TDRD7: variants seen among roughly 807,000 people sequenced by gnomAD.
TDRD7 encodes tudor domain-containing protein 7.
In TDRD7, 47 loss-of-function variants were observed where a neutral mutation model predicts 109.8. The ratio of observed to expected loss-of-function variants is 0.43; its 90% CI spans 0.34 to 0.55. The LOEUF (loss-of-function observed/expected upper bound fraction) is 0.55, where lower values mean the gene tolerates loss of function less well. Among genes scored for constraint, TDRD7 ranks in the 20% least tolerant of loss-of-function variants. The pLI, the probability that TDRD7 is intolerant of heterozygous loss-of-function variation, is 0.03. For synonymous variants in TDRD7, 424 were observed against 457.3 expected, an observed-to-expected ratio of 0.93 and a Z score of 0.93; for missense variants, 1,164 against 1,319.2, an observed-to-expected ratio of 0.88 and a Z score of 1.82.
chr9:97,481,031 T>A, intron 14 of TDRD7, 93 bp downstream of exon 14: 1 of 1,033,792 alleles, frequency 9.7e-7, no homozygotes, highest in Non-Finnish European at 1.5e-6. Context: ...TATCTCACTG[T>A]AAAATGGATG....
intron 16 of TDRD7, among the ~76,000 whole-genome samples, chr9:97,490,549 T>TA (rs1554750846): frequency 1.8e-5 from 2 of 109,930 alleles, no homozygotes; most frequent in African/African-American, 3.3e-5. Flanking sequence ...TATATTTTGG[T>TA]GGGGGGGGGG....
At chr9:97,421,134 C>CAA (rs556240135) in intron 1 of TDRD7, among the ~76,000 whole-genome samples, 6 of 75,156 alleles carry the variant, frequency 8.0e-5, no homozygotes, top group Admixed American at 1.6e-4. Flanking sequence ...GACTCTGTCT[C>CAA]AAAAAAAAAA....
intron 6 of TDRD7, among the ~76,000 whole-genome samples, chr9:97,444,831 A>G (rs981807145): frequency 1.3e-5 from 2 of 152,346 alleles, no homozygotes; most frequent in Admixed American, 1.3e-4. Flanking sequence ...CAGGAATTCC[A>G]TTTGAATATC....
rs1046372960 is a variant in TDRD7, at chr9:97,438,589, G to T, written c.564-656G>T. ...ACAGACATGAATATAAATGATGTGT[G>T]TGGGGTTTATTTATGTGTCTTCATA... On this transcript the variant is annotated intron_variant, in intron 4 of 16. Coordinates refer to ENST00000355295, the MANE Select transcript of TDRD7 (RefSeq NM_014290.3). 2.0e-5 allele frequency among the ~76,000 whole-genome samples: 3 copies of T among 152,164 alleles called. No homozygotes were observed. In the East Asian group the frequency reaches 5.8e-4, roughly 29 times the overall value.
chr9:97,489,701 T>A (rs888411728), intron 16 of TDRD7, among the ~76,000 whole-genome samples: 1 of 152,242 alleles, frequency 6.6e-6, no homozygotes, highest in Non-Finnish European at 1.5e-5. Flanking sequence ...GTTTTCTATT[T>A]GTTTTCCTTG....
At chr9:97,472,198 A>G (rs892889615) in intron 9 of TDRD7, 95 bp from the exon 10 acceptor site, 1 of 1,159,544 alleles carries the variant, frequency 8.6e-7, no homozygotes, top group Non-Finnish European at 1.3e-6. Context: ...GTAGGCTTAT[A>G]ATTTTAATAA....
rs201671742 is a variant in TDRD7 at position 97,441,825 on chromosome 9, C to T, written c.805C>T (p.Leu269Phe). 1.1e-5 allele frequency: 17 copies of T among 1,613,726 alleles called. No individual in the cohort carries two copies. In the Admixed American group the frequency reaches 2.8e-4, roughly 27 times the overall value. Residue 269 changes from leucine (L) to phenylalanine (F), a missense_variant, in exon 6 of 17, where the codon CTT becomes TTT. By Grantham distance (22) the Leu-to-Phe change is conservative. Transcript: ENST00000355295. ...HFYKELYKED[L>F]NQGILQQFEH... is the part of the protein sequence containing the mutation. ...TTACAAAGAGTTATATAAAGAAGAC[C>T]TTAATCAAGGAATTTTACAACAGTT...
chr9:97,477,809 A>G (rs1829047647), intron 12 of TDRD7, among the ~76,000 whole-genome samples: 1 of 152,170 alleles, frequency 6.6e-6, no homozygotes, highest in Admixed American at 6.5e-5. Flanking sequence ...GTATCTTATA[A>G]TCAGCAATAT....
intron 6 of TDRD7, among the ~76,000 whole-genome samples, chr9:97,452,381 A>G (rs982886584): frequency 1.3e-5 from 2 of 152,218 alleles, no homozygotes; most frequent in Non-Finnish European, 2.9e-5. Context: ...TGTTAGGCCT[A>G]TGTTTAATCT....
At chr9:97,450,366 T>A (rs1181869107) in intron 6 of TDRD7, among the ~76,000 whole-genome samples, 1 of 152,210 alleles carries the variant, frequency 6.6e-6, no homozygotes, top group African/African-American at 2.4e-5. Flanking sequence ...GACTCCCTCC[T>A]TAGGTATATG....
At chr9:97,462,964 C>T (rs568414597) in intron 7 of TDRD7, among the ~76,000 whole-genome samples, 6 of 152,366 alleles carry the variant, frequency 3.9e-5, no homozygotes, top group African/African-American at 1.2e-4. Flanking sequence ...AGTTGAGCAC[C>T]CAGGGCTACA....
chr9:97,446,575 C>T (rs908016431), intron 6 of TDRD7, among the ~76,000 whole-genome samples: 1 of 152,162 alleles, frequency 6.6e-6, no homozygotes. Flanking sequence ...TTAGAAATCA[C>T]TGAGCTTTAA....
At chr9:97,416,657 C>G (rs528884930) in intron 1 of TDRD7, among the ~76,000 whole-genome samples, 3 of 152,124 alleles carry the variant, frequency 2.0e-5, no homozygotes, top group African/African-American at 7.2e-5. Flanking sequence ...GATTGGCTGT[C>G]TCATTCAGTT....
rs1347845475 is a variant in TDRD7, at chr9:97,464,993, G to A, written c.1594G>A (p.Ala532Thr). ...TGCCGAGGAGGACGCCTGGTTACGGGCACAGGTCATCTCAACAGAAGAGAA... is the reference window on the plus strand; with the variant it reads ...TGCCGAGGAGGACGCCTGGTTACGGACACAGGTCATCTCAACAGAAGAGAA... ...VNAEEDAWLR[A>T]QVISTEENKI... is the part of the protein sequence containing the mutation. The change falls in exon 8 of 17, where the codon GCA becomes ACA. Residue 532 changes from alanine (A) to threonine (T), a missense_variant. Coordinates refer to ENST00000355295, the MANE Select transcript of TDRD7 (RefSeq NM_014290.3). 4.3e-6 allele frequency: 7 copies of A among 1,614,022 alleles called. No homozygotes were observed. Among genetic ancestry groups the A allele is most frequent in the Non-Finnish European group, 5.9e-6 (7 of 1,179,982 alleles).
intron 1 of TDRD7, among the ~76,000 whole-genome samples, chr9:97,418,667 G>A (rs1047390639): frequency 2.6e-5 from 4 of 152,226 alleles, no homozygotes; most frequent in African/African-American, 9.6e-5. Flanking sequence ...AAGGGTGGAA[G>A]GAGTGGAAGG....
intron 5 of TDRD7, among the ~76,000 whole-genome samples, chr9:97,439,951 C>T (rs535173257): frequency 1.6e-4 from 24 of 152,214 alleles, no homozygotes; most frequent in African/African-American, 5.3e-4. Context: ...CCCAGGGAGA[C>T]AGTGTTTTCG....
intron 1 of TDRD7, among the ~76,000 whole-genome samples, chr9:97,427,324 A>T (rs1003649174): frequency 2.0e-5 from 3 of 151,946 alleles, no homozygotes; most frequent in African/African-American, 7.3e-5. Context: ...TTTTATTCAT[A>T]TGGCATTATG....
At chr9:97,490,549 T>TGGG (rs35717478) in intron 16 of TDRD7, among the ~76,000 whole-genome samples, 35 of 109,926 alleles carry the variant, frequency 3.2e-4, no homozygotes, top group Non-Finnish European at 3.2e-4. Flanking sequence ...TATATTTTGG[T>TGGG]GGGGGGGGGG....
chr9:97,473,483 C>G lies in TDRD7; in HGVS notation c.1945-9C>G. The G allele has an allele frequency of 6.2e-7, 1 of 1,613,252 alleles. No individual in the cohort carries two copies. Among genetic ancestry groups the G allele is most frequent in the East Asian group, 2.2e-5 (1 of 44,844 alleles). ...CAAGCATTCACGAGGTATCCTTTGT[C>G]TGTTATAGGTTGACGCCATGTACAC... On this transcript the variant is annotated splice_polypyrimidine_tract_variant and intron_variant, in intron 10 of 16. Transcript: ENST00000355295.
Sources: gnomAD v4.1 joint callset for allele counts (sites outside exome capture counted in the v4.1 genomes callset) on GRCh38, gnomAD v4.1.1 for gene constraint, MANE v1.5 for transcripts, NCBI Gene and HGNC (gene_info 2026-07-23, HGNC 2026-07-21) for gene names.